The following CAMK4 variants were observed in gnomAD, a reference collection of about 807,000 sequenced individuals.
CAMK4 encodes the protein calcium/calmodulin dependent protein kinase IV, also known as calcium/calmodulin-dependent protein kinase type IV.
Under a neutral mutation model 44.9 loss-of-function variants are expected in CAMK4, and 22 were observed. The ratio of observed to expected loss-of-function variants is 0.49; its 90% CI spans 0.35 to 0.70. The LOEUF (loss-of-function observed/expected upper bound fraction) is 0.70, where lower values mean the gene tolerates loss of function less well. Ranked by LOEUF, CAMK4 falls within the 30% of genes least tolerant of loss-of-function variation. The pLI, the probability that CAMK4 is intolerant of heterozygous loss-of-function variation, is 0.01. For missense variants in CAMK4, 498 were observed against 586.8 expected, an observed-to-expected ratio of 0.85 and a Z score of 1.56; for synonymous variants, 218 against 215.4, an observed-to-expected ratio of 1.01 and a Z score of -0.11.
intron 1 of CAMK4, among the ~76,000 whole-genome samples, chr5:111,292,118 A>G (rs1374271292): frequency 6.6e-6 from 1 of 152,218 alleles, no homozygotes; most frequent in Non-Finnish European, 1.5e-5. Flanking sequence ...TAAATGCATA[A>G]CCTAGGTGAT....
intron 1 of CAMK4, among the ~76,000 whole-genome samples, chr5:111,340,088 T>A (rs1001117649): frequency 6.6e-6 from 1 of 151,410 alleles, no homozygotes; most frequent in East Asian, 1.9e-4. Flanking sequence ...GCAACTTTAC[T>A]GAATTCATTT....
At chr5:111,307,148 A>G (rs916449624) in intron 1 of CAMK4, among the ~76,000 whole-genome samples, 2 of 21,114 alleles carry the variant, frequency 9.5e-5, no homozygotes, top group Non-Finnish European at 1.5e-4. Context: ...TAAAAACCCT[A>G]GAAGAAAACC....
chr5:111,257,783 T>C (rs1231473804), intron 1 of CAMK4, among the ~76,000 whole-genome samples: 1 of 152,208 alleles, frequency 6.6e-6, no homozygotes, highest in African/African-American at 2.4e-5. Context: ...AAAGAAAATG[T>C]GGTACATATA....
chr5:111,277,355 C>A (rs1750811267), intron 1 of CAMK4, among the ~76,000 whole-genome samples: 1 of 152,114 alleles, frequency 6.6e-6, no homozygotes, highest in Admixed American at 6.5e-5. Flanking sequence ...GGAATGTGGG[C>A]ATGTTATGTC....
At chr5:111,335,647 G>T (rs982820933) in intron 1 of CAMK4, among the ~76,000 whole-genome samples, 1 of 151,286 alleles carries the variant, frequency 6.6e-6, no homozygotes, top group Non-Finnish European at 1.5e-5. Context: ...AAATGTGGTA[G>T]CAGTGGGCTT....
At chr5:111,227,301 C>G (rs540920958) in intron 1 of CAMK4, among the ~76,000 whole-genome samples, 1 of 152,302 alleles carries the variant, frequency 6.6e-6, no homozygotes, top group African/African-American at 2.4e-5. Flanking sequence ...TCAAGTTGAA[C>G]TCAGGTCATC....
At chr5:111,369,773 G>T (rs76686328) in intron 2 of CAMK4, among the ~76,000 whole-genome samples, 1 of 152,122 alleles carries the variant, frequency 6.6e-6, no homozygotes, top group Admixed American at 6.5e-5. Flanking sequence ...ATTTATGAAC[G>T]TGCTCTAATA....
At chr5:111,424,233 A>G (rs376550942) in intron 5 of CAMK4, among the ~76,000 whole-genome samples, 6 of 152,308 alleles carry the variant, frequency 3.9e-5, no homozygotes, top group African/African-American at 1.4e-4. Flanking sequence ...ATAGCAGGAA[A>G]AAAAGTCATA....
At chr5:111,246,525 T>A (rs4957606) in intron 1 of CAMK4, among the ~76,000 whole-genome samples, 47,642 of 152,052 alleles carry the variant, frequency 0.31, 7,777 homozygotes, top group South Asian at 0.43. Context: ...TTTATTTCTC[T>A]GCATTTATTT....
intron 4 of CAMK4, among the ~76,000 whole-genome samples, chr5:111,382,153 C>T (rs1751440634): frequency 6.6e-6 from 1 of 152,166 alleles, no homozygotes; most frequent in Non-Finnish European, 1.5e-5. Flanking sequence ...ACTCTCTCTT[C>T]ACCTTTTTTG....
chr5:111,369,380 A>G (rs1173021944), intron 2 of CAMK4, among the ~76,000 whole-genome samples: 1 of 152,156 alleles, frequency 6.6e-6, no homozygotes, highest in Non-Finnish European at 1.5e-5. Context: ...AAAATTATTG[A>G]GAATTCAAAA....
At chr5:111,260,895 T>C (rs1580495027) in intron 1 of CAMK4, among the ~76,000 whole-genome samples, 1 of 152,182 alleles carries the variant, frequency 6.6e-6, no homozygotes, top group African/African-American at 2.4e-5. Flanking sequence ...ATCCTCCTCA[T>C]TGATTATCTT....
At chr5:111,371,134 C>T (rs1580664737) in intron 2 of CAMK4, among the ~76,000 whole-genome samples, 1 of 152,038 alleles carries the variant, frequency 6.6e-6, no homozygotes, top group South Asian at 2.1e-4. Flanking sequence ...TCTTTTGCTG[C>T]CATTCTATTA....
rs1340176755 is a variant in CAMK4 at position 111,482,248 on chromosome 5, G to T, written c.829-537G>T. ...GATTATAAAATGATTTTTAAACTCT[G>T]GGCTTAGTCCTTCAAGTACCCTCAA... On this transcript the variant is annotated intron_variant, in intron 9 of 10. Coordinates refer to ENST00000282356, the MANE Select transcript of CAMK4 (RefSeq NM_001744.6). The surrounding 1 kb of genome is among the most constrained non-coding windows in gnomAD (Gnocchi z 4.9). The T allele has an allele frequency of 6.6e-6, 1 of 152,078 alleles. No homozygotes were observed. Among genetic ancestry groups the T allele is most frequent in the Non-Finnish European group, 1.5e-5 (1 of 68,016 alleles). The allele number at this position is 152,078 out of a possible 1,614,324, so 9.4% of individuals were successfully genotyped here.
chr5:111,479,031 C>T (rs1042725841), intron 9 of CAMK4, among the ~76,000 whole-genome samples: 3 of 152,148 alleles, frequency 2.0e-5, no homozygotes, highest in African/African-American at 7.2e-5. Flanking sequence ...TGCATGCCAC[C>T]ACACCCAGCT....
chr5:111,418,336 C>A (rs1752887497), intron 5 of CAMK4, among the ~76,000 whole-genome samples: 1 of 152,036 alleles, frequency 6.6e-6, no homozygotes, highest in African/African-American at 2.4e-5. Context: ...TATCACAAGG[C>A]AAGTGGAGGC....
chr5:111,269,567 C>A (rs1160728021), intron 1 of CAMK4, among the ~76,000 whole-genome samples: 2 of 152,128 alleles, frequency 1.3e-5, no homozygotes, highest in East Asian at 3.9e-4. Flanking sequence ...CAGGCCGTGA[C>A]CTGCAGTTTG....
intron 1 of CAMK4, among the ~76,000 whole-genome samples, chr5:111,289,801 C>T (rs1379557256): frequency 6.6e-6 from 1 of 152,212 alleles, no homozygotes; most frequent in Non-Finnish European, 1.5e-5. Context: ...ATGAATCACC[C>T]CACATTCATA....
intron 2 of CAMK4, among the ~76,000 whole-genome samples, chr5:111,361,269 T>C (rs1307113312): frequency 2.6e-5 from 4 of 152,170 alleles, no homozygotes; most frequent in African/African-American, 7.2e-5. Flanking sequence ...TTTTTGGCTT[T>C]GTAACTAATA....
Sources: allele counts gnomAD v4.1 joint callset (sites outside exome capture counted in the v4.1 genomes callset), GRCh38; gene constraint gnomAD v4.1.1; non-coding constraint Gnocchi (gnomAD v3.1); transcripts MANE v1.5; gene names NCBI Gene and HGNC (gene_info 2026-07-23, HGNC 2026-07-21).